Variants in CACNA2D1 observed in about 807,000 individuals in gnomAD.
CACNA2D1 encodes voltage-dependent calcium channel subunit alpha-2/delta-1.
In CACNA2D1, 53 loss-of-function variants were observed where a neutral mutation model predicts 171.5. The observed-to-expected ratio is 0.31, with a 90% confidence interval of 0.25 to 0.39. The LOEUF is 0.39. Among genes scored for constraint, CACNA2D1 ranks in the 10% least tolerant of loss-of-function variants. The pLI is 1.00. For missense variants in CACNA2D1, 903 were observed against 1,299.8 expected (o/e 0.69, Z 4.69); for synonymous variants, 442 against 443.1 (o/e 1.00, Z 0.03).
At chr7:81,980,077 T>C (rs1336687909) in intron 24 of CACNA2D1, among the ~76,000 whole-genome samples, 1 of 114,032 alleles carries the variant, frequency 8.8e-6, no homozygotes, top group Non-Finnish European at 1.8e-5. Context: ...TAAGTTGGGA[T>C]TTCGGAGGGA....
chr7:82,192,691 A>G (rs970208081), intron 3 of CACNA2D1, among the ~76,000 whole-genome samples: 13 of 151,628 alleles, frequency 8.6e-5, no homozygotes, highest in Admixed American at 6.6e-4. Flanking sequence ...TCTTCTATGC[A>G]ATACTCTCTG....
At chr7:81,991,970 G>C (rs971298104) in intron 20 of CACNA2D1, among the ~76,000 whole-genome samples, 1 of 151,176 alleles carries the variant, frequency 6.6e-6, no homozygotes, top group Non-Finnish European at 1.5e-5. Flanking sequence ...CAGTAGCTGG[G>C]ACTACAGGGG....
chr7:82,117,808 CAAAT>C (rs1789255760), intron 5 of CACNA2D1, among the ~76,000 whole-genome samples: 1 of 151,974 alleles, frequency 6.6e-6, no homozygotes, highest in Non-Finnish European at 1.5e-5. Flanking sequence ...AACAAACAGA[CAAAT>C]AAAATAATAA....
intron 32 of CACNA2D1, among the ~76,000 whole-genome samples, chr7:81,965,008 G>C (rs906100365): frequency 1.3e-5 from 2 of 151,862 alleles, no homozygotes; most frequent in African/African-American, 4.8e-5. Context: ...ACTTGTAGGG[G>C]CTGTGATGAA....
chr7:81,974,834 G>C (rs891834624), intron 24 of CACNA2D1, among the ~76,000 whole-genome samples: 5 of 151,792 alleles, frequency 3.3e-5, no homozygotes, highest in Non-Finnish European at 7.4e-5. Context: ...AGATTTAGGA[G>C]TCTCATATAG....
chr7:82,443,766 C>T lies in CACNA2D1; in HGVS notation c.-307G>A, dbSNP rs1424425978. 6.3e-6 allele frequency: 7 copies of T among 1,110,906 alleles called. No individual in the cohort carries two copies. The highest frequency in any genetic ancestry group is 8.0e-6 in the Non-Finnish European group (7 of 878,456). The allele number at this position is 1,110,906 out of a possible 1,614,324, so 68.8% of individuals were successfully genotyped here. On this transcript the variant is annotated 5_prime_UTR_variant, in exon 1 of 39. Transcript: ENST00000356860. The stretch of plus-strand genomic sequence containing the variant: ...ACCTCGGCGAGCCCGCCGGCGCTCG[C>T]GCGCTCTCGCTCTCCCTCTCGGTTT...
chr7:82,079,851 T>C (rs1429273117), intron 7 of CACNA2D1, among the ~76,000 whole-genome samples: 1 of 152,028 alleles, frequency 6.6e-6, no homozygotes, highest in Admixed American at 6.6e-5. Flanking sequence ...AAATCTATCA[T>C]ATAAACGGTG....
chr7:82,398,119 T>C (rs1825938910), intron 1 of CACNA2D1, among the ~76,000 whole-genome samples: 1 of 152,192 alleles, frequency 6.6e-6, no homozygotes, highest in Non-Finnish European at 1.5e-5. Flanking sequence ...TTAGACTGTA[T>C]GATGCTAAGA....
At chr7:82,124,740 C>A (rs1021759175) in intron 5 of CACNA2D1, among the ~76,000 whole-genome samples, 3 of 152,174 alleles carry the variant, frequency 2.0e-5, no homozygotes, top group Non-Finnish European at 2.9e-5. Flanking sequence ...TTGCTTTCTG[C>A]ATTTTATCCA....
intron 1 of CACNA2D1, among the ~76,000 whole-genome samples, chr7:82,377,942 G>A (rs1823208352): frequency 6.6e-6 from 1 of 152,196 alleles, no homozygotes. Context: ...GGTCTCCAGA[G>A]TCAGAACTGG....
At chr7:82,312,913 T>A (rs533485812) in intron 3 of CACNA2D1, among the ~76,000 whole-genome samples, 1 of 152,290 alleles carries the variant, frequency 6.6e-6, no homozygotes, top group South Asian at 2.1e-4. Flanking sequence ...CTTCAAATTC[T>A]AAAAGTACTA....
intron 1 of CACNA2D1, among the ~76,000 whole-genome samples, chr7:82,387,337 T>C (rs998874360): frequency 6.6e-6 from 1 of 151,310 alleles, no homozygotes; most frequent in Admixed American, 6.6e-5. Flanking sequence ...TTCCAATTCC[T>C]CCCCCTTTAA....
At chr7:82,357,132 T>C (rs1294604474) in intron 1 of CACNA2D1, among the ~76,000 whole-genome samples, 1 of 152,142 alleles carries the variant, frequency 6.6e-6, no homozygotes, top group Non-Finnish European at 1.5e-5. Context: ...AATATGCAGA[T>C]TTTCATTAAG....
chr7:82,430,096 CA>C (rs1382864671), intron 1 of CACNA2D1, among the ~76,000 whole-genome samples: 1 of 152,030 alleles, frequency 6.6e-6, no homozygotes, highest in African/African-American at 2.4e-5. Flanking sequence ...TTTTCTATGG[CA>C]AATGTCAAAA....
chr7:82,399,124 C>G (rs1311624241), intron 1 of CACNA2D1, among the ~76,000 whole-genome samples: 1 of 152,112 alleles, frequency 6.6e-6, no homozygotes, highest in East Asian at 1.9e-4. Context: ...AAATCAGAGT[C>G]AGCACTAAAA....
chr7:81,968,091 A>C (rs906767493), intron 29 of CACNA2D1, among the ~76,000 whole-genome samples: 1 of 151,460 alleles, frequency 6.6e-6, no homozygotes, highest in Non-Finnish European at 1.5e-5. Flanking sequence ...GGCTGAGAGA[A>C]TAACTGATTT....
chr7:82,124,652 C>T (rs1166783172), intron 5 of CACNA2D1, among the ~76,000 whole-genome samples: 1 of 152,126 alleles, frequency 6.6e-6, no homozygotes, highest in Non-Finnish European at 1.5e-5. Context: ...ATAACTGGAG[C>T]TCTTGATCCA....
intron 1 of CACNA2D1, among the ~76,000 whole-genome samples, chr7:82,369,430 T>G (rs761417415): frequency 6.6e-6 from 1 of 151,844 alleles, no homozygotes; most frequent in Non-Finnish European, 1.5e-5. Flanking sequence ...TTCCTCTGCC[T>G]CCAGTACTTC....
At chr7:82,338,461 T>C (rs931710732) in intron 2 of CACNA2D1, among the ~76,000 whole-genome samples, 2 of 152,136 alleles carry the variant, frequency 1.3e-5, no homozygotes, top group Admixed American at 6.5e-5. Context: ...TTCCAAGTAG[T>C]TGGAACTACA....
Sources: gnomAD v4.1 joint callset for allele counts (sites outside exome capture counted in the v4.1 genomes callset) on GRCh38, gnomAD v4.1.1 for gene constraint, MANE v1.5 for transcripts, NCBI Gene and HGNC (gene_info 2026-07-23, HGNC 2026-07-21) for gene names.